Variants in LHFPL6 observed in about 807,000 individuals in gnomAD.
LHFPL6 encodes the protein LHFPL tetraspan subfamily member 6 protein.
LHFPL6 carries 9 observed loss-of-function variants against 20.6 expected under a neutral mutation model. The observed-to-expected ratio is 0.44, with a 90% CI of 0.26 to 0.76. The LOEUF is 0.76. LHFPL6 is among the 30% of genes least tolerant of loss of function. The pLI, the probability that LHFPL6 is intolerant of heterozygous loss-of-function variation, is 0.20. For missense variants in LHFPL6, 218 were observed against 253.5 expected, an observed-to-expected ratio of 0.86 and a Z score of 0.95; for synonymous variants, 105 against 98.7, an observed-to-expected ratio of 1.06 and a Z score of -0.38.
chr13:39,598,826 G>A (rs9548839), intron 2 of LHFPL6, among the ~76,000 whole-genome samples: 145,379 of 152,206 alleles, frequency 0.96, 69,520 homozygotes, highest in East Asian at 1. Flanking sequence ...CAAAGTGCTG[G>A]GATTGCAGGC....
intron 3 of LHFPL6, among the ~76,000 whole-genome samples, chr13:39,361,548 C>A (rs768272806): frequency 9.2e-5 from 14 of 152,134 alleles, no homozygotes; most frequent in African/African-American, 3.4e-4. Context: ...GATCTCTTGA[C>A]CTTGTGATCC....
intron 2 of LHFPL6, among the ~76,000 whole-genome samples, chr13:39,401,148 A>G (rs1250183723): frequency 7.9e-5 from 12 of 152,216 alleles, no homozygotes; most frequent in Non-Finnish European, 1.5e-5. Context: ...TAAGTTCAAC[A>G]ATTACATAAC....
At chr13:39,589,402 C>A (rs1466488885) in intron 2 of LHFPL6, among the ~76,000 whole-genome samples, 1 of 152,102 alleles carries the variant, frequency 6.6e-6, no homozygotes, top group Non-Finnish European at 1.5e-5. Flanking sequence ...AGTCACCGCA[C>A]CCAGCCCAGA....
intron 3 of LHFPL6, among the ~76,000 whole-genome samples, chr13:39,362,906 C>G (rs1869915078): frequency 6.6e-6 from 1 of 152,204 alleles, no homozygotes; most frequent in Non-Finnish European, 1.5e-5. Flanking sequence ...GGGGAAGGAA[C>G]AGAGTGTCAT....
intron 2 of LHFPL6, among the ~76,000 whole-genome samples, chr13:39,545,714 TTATAA>T: frequency 6.6e-6 from 1 of 152,132 alleles, no homozygotes; most frequent in Non-Finnish European, 1.5e-5. Flanking sequence ...TCTACATTAC[TTATAA>T]TATGTAATAT....
intron 2 of LHFPL6, among the ~76,000 whole-genome samples, chr13:39,482,931 AG>A (rs1253000658): frequency 1.3e-5 from 2 of 152,232 alleles, no homozygotes; most frequent in Non-Finnish European, 2.9e-5. Context: ...CAGAGTACAC[AG>A]TACAGATGCA....
intron 2 of LHFPL6, among the ~76,000 whole-genome samples, chr13:39,535,700 T>A (rs1262334904): frequency 1.3e-5 from 2 of 152,228 alleles, no homozygotes; most frequent in Non-Finnish European, 2.9e-5. Context: ...CATAGACATG[T>A]GTGCTATTAC....
rs139822369 is a variant in LHFPL6, at chr13:39,581,823, G to A, written c.385+19009C>T. Among the ~76,000 whole-genome samples, 1,512 of 152,202 alleles carry A rather than the reference G, an allele frequency of 9.9e-3. 24 individuals carry two copies. The highest frequency in any genetic ancestry group is 0.035 in the African/African-American group (1,438 of 41,538). ...AAGCAGCTGGCACTATCTGAGGGGA[G>A]GCTTAAAATTATGATTAAAGTAGAC... On this transcript the variant is annotated intron_variant, in intron 2 of 3. Coordinates refer to ENST00000379589, the MANE Select transcript of LHFPL6 (RefSeq NM_005780.3).
At chr13:39,399,347 A>T (rs1870926019) in intron 2 of LHFPL6, among the ~76,000 whole-genome samples, 1 of 152,222 alleles carries the variant, frequency 6.6e-6, no homozygotes, top group South Asian at 2.1e-4. Flanking sequence ...GGGAAAACTA[A>T]ATTTAGCCTC....
At chr13:39,417,942 G>A (rs1871385780) in intron 2 of LHFPL6, among the ~76,000 whole-genome samples, 1 of 152,230 alleles carries the variant, frequency 6.6e-6, no homozygotes, top group Non-Finnish European at 1.5e-5. Context: ...GCAAGATTTA[G>A]AGCATTATGT....
intron 2 of LHFPL6, among the ~76,000 whole-genome samples, chr13:39,492,905 C>T (rs1167748868): frequency 1.3e-5 from 2 of 151,978 alleles, no homozygotes; most frequent in African/African-American, 4.8e-5. Context: ...GTCTTGAATT[C>T]CCGACCTCAG....
At chr13:39,443,598 A>G (rs558684274) in intron 2 of LHFPL6, among the ~76,000 whole-genome samples, 5 of 152,182 alleles carry the variant, frequency 3.3e-5, no homozygotes, top group African/African-American at 1.2e-4. Context: ...GCTGTAGGAG[A>G]ACCTAAATCT....
intron 2 of LHFPL6, among the ~76,000 whole-genome samples, chr13:39,418,581 T>C (rs1871405565): frequency 6.6e-6 from 1 of 152,160 alleles, no homozygotes; most frequent in African/African-American, 2.4e-5. Flanking sequence ...GAATGTCAGC[T>C]TGAATGTGTG....
chr13:39,468,102 C>A (rs1007522804), intron 2 of LHFPL6, among the ~76,000 whole-genome samples: 1 of 152,172 alleles, frequency 6.6e-6, no homozygotes, highest in Admixed American at 6.5e-5. Flanking sequence ...CCAATAAAAT[C>A]TTTCTCAATG....
rs1218754883 is a variant in LHFPL6, at chr13:39,555,558, G to A, written c.385+45274C>T. 2.0e-5 allele frequency among the ~76,000 whole-genome samples: 3 copies of A among 152,048 alleles called. No homozygotes were observed. In the East Asian group the frequency reaches 5.8e-4, roughly 29 times the overall value. On this transcript the variant is annotated intron_variant, in intron 2 of 3. Transcript: ENST00000379589. ...AAAATGAATGGCTGAGGCTAACTTA[G>A]CACTAAACTTTAGTGAGCTTATTAA...
chr13:39,575,917 C>G lies in LHFPL6; in HGVS notation c.385+24915G>C, dbSNP rs146998750. 3.0e-4 allele frequency among the ~76,000 whole-genome samples: 45 copies of G among 152,290 alleles called. 1 individual carries two copies. The highest frequency in any genetic ancestry group is 9.4e-4 in the African/African-American group (39 of 41,554). On this transcript the variant is annotated intron_variant, in intron 2 of 3. Coordinates refer to ENST00000379589, the MANE Select transcript of LHFPL6 (RefSeq NM_005780.3). ...TGATTAGAAATTACCAGTTTACTTT[C>G]AAATGTGTGGAGACCACAGAGGGGC...
In LHFPL6 at chr13:39,548,267, A is replaced by G. The variant is rs140485609; in HGVS notation, c.385+52565T>C. Among the ~76,000 whole-genome samples the G allele has an allele frequency of 9.2e-5, 14 of 152,270 alleles. No individual in the cohort carries two copies. In the East Asian group the frequency reaches 2.7e-3, roughly 29 times the overall value. On this transcript the variant is annotated intron_variant, in intron 2 of 3. Transcript: ENST00000379589. ...GAATTCAAAGCAGACATTCCTCCCC[A>G]AAGGCAAATTTAGGAATCAGAGACT...
intron 2 of LHFPL6, among the ~76,000 whole-genome samples, chr13:39,546,223 A>G (rs1235439703): frequency 2.6e-5 from 4 of 152,098 alleles, no homozygotes; most frequent in African/African-American, 4.8e-5. Context: ...CTAGCTAGTA[A>G]TACACACCTA....
intron 2 of LHFPL6, among the ~76,000 whole-genome samples, chr13:39,503,634 G>T (rs1869371162): frequency 6.6e-6 from 1 of 152,224 alleles, no homozygotes; most frequent in Admixed American, 6.5e-5. Flanking sequence ...TGCTTGGTAT[G>T]CAGTAGGTGC....
Sources: allele counts gnomAD v4.1 joint callset (sites outside exome capture counted in the v4.1 genomes callset), GRCh38; gene constraint gnomAD v4.1.1; transcripts MANE v1.5; gene names NCBI Gene and HGNC (gene_info 2026-07-23, HGNC 2026-07-21).